Variants in AFG2A observed in about 807,000 individuals in gnomAD.
AFG2A encodes AAA ATPase AFG2A.
the AFG2A span, among the ~76,000 whole-genome samples, chr4:122,978,936 G>A: frequency 6.6e-6 from 1 of 152,228 alleles, no homozygotes; most frequent in Non-Finnish European, 1.5e-5. Context: ...GTTGGGGCAG[G>A]GGGTGCTTCC....
chr4:122,968,250 T>G, the AFG2A span, among the ~76,000 whole-genome samples: 1 of 152,230 alleles, frequency 6.6e-6, no homozygotes, highest in Non-Finnish European at 1.5e-5. Flanking sequence ...AGTTTTTTTT[T>G]ACTTGCGCCA....
the AFG2A span, among the ~76,000 whole-genome samples, chr4:123,102,752 A>G: frequency 1.3e-5 from 2 of 151,662 alleles, no homozygotes; most frequent in African/African-American, 4.8e-5. Flanking sequence ...TTTAAAGTAC[A>G]TAAAGAGTAT....
the AFG2A span, among the ~76,000 whole-genome samples, chr4:123,163,045 G>A: frequency 2.6e-5 from 4 of 152,284 alleles, no homozygotes; most frequent in East Asian, 1.9e-4. Context: ...TTTGGAATCA[G>A]ACTGACCTAG....
the AFG2A span, among the ~76,000 whole-genome samples, chr4:123,087,851 TTTCAGTTTG>T: frequency 6.6e-6 from 1 of 152,182 alleles, no homozygotes; most frequent in Admixed American, 6.5e-5. Flanking sequence ...AGAGTTGGTT[TTTCAGTTTG>T]TTCAGCTTTT....
At chr4:123,018,364 T>A in the AFG2A span, among the ~76,000 whole-genome samples, 3 of 152,228 alleles carry the variant, frequency 2.0e-5, no homozygotes, top group Non-Finnish European at 4.4e-5. Flanking sequence ...GACTATATTG[T>A]AGGAATAATT....
the AFG2A span, among the ~76,000 whole-genome samples, chr4:123,301,582 A>G: frequency 1.3e-5 from 2 of 152,196 alleles, no homozygotes; most frequent in Admixed American, 1.3e-4. Flanking sequence ...ACCACTGTCA[A>G]TGAGTATGAC....
chr4:123,057,066 C>A, the AFG2A span: 1 of 693,854 alleles, frequency 1.4e-6, no homozygotes, highest in Admixed American at 2.7e-5. Context: ...TTCTGAACAT[C>A]TATTACAAGG....
chr4:123,127,774 G>C, the AFG2A span, among the ~76,000 whole-genome samples: 1 of 152,006 alleles, frequency 6.6e-6, no homozygotes, highest in Admixed American at 6.5e-5. Context: ...TGAGAAAAAT[G>C]AGTTTTTATT....
the AFG2A span, among the ~76,000 whole-genome samples, chr4:123,297,702 G>A: frequency 6.8e-6 from 1 of 146,146 alleles, no homozygotes; most frequent in Non-Finnish European, 1.5e-5. Flanking sequence ...CTGGGGGACA[G>A]AGTGAGACTC....
At chr4:123,069,382 C>G in the AFG2A span, among the ~76,000 whole-genome samples, 1 of 152,114 alleles carries the variant, frequency 6.6e-6, no homozygotes, top group Non-Finnish European at 1.5e-5. Flanking sequence ...TTTCTACAAC[C>G]ATACTTAGAG....
chr4:122,951,844 T>C, the AFG2A span, among the ~76,000 whole-genome samples: 1 of 152,188 alleles, frequency 6.6e-6, no homozygotes. Context: ...CATTGGGCCC[T>C]GTCTATCCTG....
chr4:123,068,455 A>G, the AFG2A span, among the ~76,000 whole-genome samples: 2 of 152,154 alleles, frequency 1.3e-5, no homozygotes, highest in Non-Finnish European at 2.9e-5. Context: ...TTTGAGTTTC[A>G]CTGCCTTTTA....
the AFG2A span, among the ~76,000 whole-genome samples, chr4:123,086,467 G>A: frequency 6.6e-6 from 1 of 151,998 alleles, no homozygotes; most frequent in Non-Finnish European, 1.5e-5. Flanking sequence ...AAAAATCTTT[G>A]ATTTTCTGCC....
chr4:123,142,689 T>G, the AFG2A span, among the ~76,000 whole-genome samples: 1 of 152,066 alleles, frequency 6.6e-6, no homozygotes, highest in Non-Finnish European at 1.5e-5. Context: ...AGGGTTAATC[T>G]CCCAACAGCT....
the AFG2A span, among the ~76,000 whole-genome samples, chr4:123,239,571 G>A: frequency 1.3e-5 from 2 of 152,074 alleles, no homozygotes; most frequent in African/African-American, 4.8e-5. Context: ...TTGATATCCA[G>A]CCAAACTAAG....
At chr4:123,107,939 T>C in the AFG2A span, among the ~76,000 whole-genome samples, 4 of 152,182 alleles carry the variant, frequency 2.6e-5, no homozygotes. Context: ...AGCAGTCACT[T>C]CTGAGCCTGC....
chr4:123,244,639 T>C, the AFG2A span, among the ~76,000 whole-genome samples: 2 of 152,374 alleles, frequency 1.3e-5, no homozygotes, highest in Non-Finnish European at 2.9e-5. Flanking sequence ...CCTTTGTTTG[T>C]TTACATTTAC....
At chr4:123,242,917 C>G in the AFG2A span, among the ~76,000 whole-genome samples, 1 of 151,914 alleles carries the variant, frequency 6.6e-6, no homozygotes, top group African/African-American at 2.4e-5. Flanking sequence ...AAAAACAACC[C>G]CATCAAAAAG....
chr4:123,053,481 C>A, the AFG2A span, among the ~76,000 whole-genome samples: 1 of 152,228 alleles, frequency 6.6e-6, no homozygotes, highest in Admixed American at 6.5e-5. Context: ...TTGGGATCTG[C>A]TGTGTGAAGG....
Sources: allele counts gnomAD v4.1 joint callset (sites outside exome capture counted in the v4.1 genomes callset), GRCh38; gene constraint gnomAD v4.1.1; transcripts MANE v1.5; gene names NCBI Gene and HGNC (gene_info 2026-07-23, HGNC 2026-07-21).